The following RYR2 variants were observed in gnomAD, a reference collection of about 807,000 sequenced individuals.
RYR2 encodes ryanodine receptor 2.
In RYR2, 227 loss-of-function variants were observed where a neutral mutation model predicts 601.1. The ratio of observed to expected loss-of-function variants is 0.38; its 90% CI spans 0.34 to 0.42. RYR2 has a LOEUF of 0.42. RYR2 is among the 10% of genes least tolerant of loss of function. The pLI, the probability that RYR2 is intolerant of heterozygous loss-of-function variation, is 1.00. For missense variants in RYR2, 4,646 were observed against 6,156.5 expected (o/e 0.75, Z 8.21); for synonymous variants, 2,223 against 2,175.1 (o/e 1.02, Z -0.61).
In RYR2 at chr1:237,496,790, G is replaced by T. The variant is rs746732034; in HGVS notation, c.2203+38G>T. On this transcript the variant is annotated intron_variant, in intron 20 of 104. Transcript: ENST00000366574. ...CATTTTCTTTCACCGTGTTCCAGAA[G>T]ATCTTTTGCTGGGCATTTCTGAAAG... 1.1e-5 allele frequency: 17 copies of T among 1,579,598 alleles called. No homozygotes were observed. The African/African-American group carries it at 2.2e-4, about 20-fold the overall frequency.
At chr1:237,162,696 T>G (rs142082018) in intron 1 of RYR2, among the ~76,000 whole-genome samples, 85 of 152,232 alleles carry the variant, frequency 5.6e-4, no homozygotes, top group Middle Eastern at 6.8e-3. Flanking sequence ...TTGAGCTGGT[T>G]ATTTTGAGAA....
At chr1:237,154,708 C>T (rs72770682) in intron 1 of RYR2, among the ~76,000 whole-genome samples, 1,611 of 152,022 alleles carry the variant, frequency 0.011, 10 homozygotes, top group South Asian at 0.029. Context: ...TTTGGACCTC[C>T]GTCCTATCCC....
rs1707879401 is a variant in RYR2 at position 237,441,333 on chromosome 1, A to C, written c.1020A>C (p.Val340=). 1 of 1,613,568 alleles carries C rather than the reference A, an allele frequency of 6.2e-7. No individual in the cohort carries two copies. Among genetic ancestry groups the C allele is most frequent in the Non-Finnish European group, 8.5e-7 (1 of 1,179,636 alleles). Residue 340 remains valine, a synonymous_variant, in exon 13 of 105, where the codon GTA becomes GTC. Transcript: ENST00000366574. The stretch of plus-strand genomic sequence containing the variant: ...TCTCCCCTTAGGAAAAATTGGATGT[A>C]GGGGTGAGAAAAGAAGTAGATGGCA... ...TFRSSKEKLD[V]GVRKEVDGMG...
At chr1:237,425,014 A>G (rs1227076223) in intron 12 of RYR2, among the ~76,000 whole-genome samples, 1 of 152,240 alleles carries the variant, frequency 6.6e-6, no homozygotes, top group African/African-American at 2.4e-5. Flanking sequence ...TGTATTTCAT[A>G]TAAATAATGT....
At chr1:237,337,883 A>G (rs1697400543) in intron 3 of RYR2, among the ~76,000 whole-genome samples, 1 of 152,226 alleles carries the variant, frequency 6.6e-6, no homozygotes, top group African/African-American at 2.4e-5. Context: ...GCTTAAAACA[A>G]CATACATTTA....
intron 3 of RYR2, among the ~76,000 whole-genome samples, chr1:237,348,596 C>G (rs919288468): frequency 1.3e-5 from 2 of 152,048 alleles, no homozygotes; most frequent in African/African-American, 4.8e-5. Context: ...TGTTATCTGC[C>G]CATCATCTAG....
chr1:237,188,195 T>A (rs679760), intron 1 of RYR2, among the ~76,000 whole-genome samples: 145,708 of 152,208 alleles, frequency 0.96, 69,914 homozygotes, highest in Non-Finnish European at 0.99. Context: ...GTATTTCTCC[T>A]AAGGTGGTTT....
At position 237,818,340 on chromosome 1, in the gene RYR2, C is replaced by G. The variant is rs571252390; in HGVS notation, c.14434-696C>G. On this transcript the variant is annotated intron_variant, in intron 100 of 104. Coordinates refer to ENST00000366574, the MANE Select transcript of RYR2 (RefSeq NM_001035.3). ...TACAGTGCACAGGATAGCCCCTGCC[C>G]AAGGAATTATCCAGCCAAAAATGTC... Among the ~76,000 whole-genome samples the G allele has an allele frequency of 7.9e-5, 12 of 152,190 alleles. No individual in the cohort carries two copies. In the East Asian group the frequency reaches 1.7e-3, roughly 22 times the overall value.
At position 237,706,858 on chromosome 1, in the gene RYR2, A is replaced by G. The variant is rs1688421927; in HGVS notation, c.9581-91A>G. On this transcript the variant is annotated intron_variant, in intron 67 of 104. Transcript: ENST00000366574. Reference sequence around the variant, plus strand: ...CATGCCACGTCTTGCTAAATTTTGAAGTCCAAAATGAAATAGTTGCCTGTG... The same window carrying G: ...CATGCCACGTCTTGCTAAATTTTGAGGTCCAAAATGAAATAGTTGCCTGTG... The G allele has an allele frequency of 6.4e-6, 7 of 1,096,096 alleles. No individual in the cohort carries two copies. In the Admixed American group the frequency reaches 7.7e-5, roughly 12 times the overall value. 67.9% of individuals were successfully genotyped at this position (1,096,096 alleles called of 1,614,324 possible).
chr1:237,630,599 G>A (rs1189173473), intron 41 of RYR2, among the ~76,000 whole-genome samples: 1 of 152,108 alleles, frequency 6.6e-6, no homozygotes, highest in Non-Finnish European at 1.5e-5. Flanking sequence ...TAGGCTGTAT[G>A]TTCTATTCTT....
At chr1:237,359,465 T>C (rs1156310405) in intron 4 of RYR2, among the ~76,000 whole-genome samples, 3 of 152,218 alleles carry the variant, frequency 2.0e-5, no homozygotes, top group Non-Finnish European at 4.4e-5. Flanking sequence ...TTTTAACTTC[T>C]GTTATACTTG....
intron 1 of RYR2, among the ~76,000 whole-genome samples, chr1:237,211,296 A>G (rs919855253): frequency 6.6e-6 from 1 of 152,192 alleles, no homozygotes; most frequent in Non-Finnish European, 1.5e-5. Context: ...AGATTTGACT[A>G]TATGTGTACA....
chr1:237,192,723 G>T (rs1200948133), intron 1 of RYR2, among the ~76,000 whole-genome samples: 1 of 152,038 alleles, frequency 6.6e-6, no homozygotes, highest in Non-Finnish European at 1.5e-5. Context: ...TCCGCTAAGG[G>T]GTTTAGAACA....
chr1:237,423,918 T>G (rs1282861770), intron 12 of RYR2, among the ~76,000 whole-genome samples: 1 of 152,158 alleles, frequency 6.6e-6, no homozygotes, highest in African/African-American at 2.4e-5. Flanking sequence ...TGGGAAGGCC[T>G]CAGGAAACTT....
intron 1 of RYR2, among the ~76,000 whole-genome samples, chr1:237,050,424 G>A (rs958732970): frequency 1.1e-4 from 17 of 152,182 alleles, no homozygotes; most frequent in African/African-American, 1.7e-4. Context: ...GGGGAAACCC[G>A]CATGTGGTCA....
At position 237,784,918 on chromosome 1, in the gene RYR2, C is replaced by G. The variant is rs397516509; in HGVS notation, c.13206C>G (p.Leu4402=). ...TTCCTCATAATCCAAATGCTGGGCT[C>G]AGTGACCTCATGAGCAACCCAGTCC... ...KLIPHNPNAG[L]SDLMSNPVPM... Residue 4402 remains leucine (L), a synonymous_variant, in exon 90 of 105, where the codon CTC becomes CTG. Coordinates refer to ENST00000366574, the MANE Select transcript of RYR2 (RefSeq NM_001035.3). The surrounding 1 kb of genome is among the most constrained non-coding windows in gnomAD (Gnocchi z 7.1). 3 of 1,608,908 alleles carry G rather than the reference C, an allele frequency of 1.9e-6. No homozygotes were observed. The highest frequency in any genetic ancestry group is 2.7e-5 in the African/African-American group (2 of 74,842).
intron 1 of RYR2, among the ~76,000 whole-genome samples, chr1:237,105,330 C>T (rs190501552): frequency 7.3e-4 from 111 of 152,042 alleles, no homozygotes; most frequent in Non-Finnish European, 1.1e-3. Context: ...GTTAGAAGAT[C>T]GTAAGTACTC....
intron 101 of RYR2, among the ~76,000 whole-genome samples, chr1:237,822,830 G>A (rs900758971): frequency 6.6e-6 from 1 of 152,100 alleles, no homozygotes; most frequent in Admixed American, 6.5e-5. Flanking sequence ...AAGGGACTGA[G>A]GAATATTTAC....
At chr1:237,243,506 C>T (rs1686442372) in intron 1 of RYR2, among the ~76,000 whole-genome samples, 1 of 152,182 alleles carries the variant, frequency 6.6e-6, no homozygotes, top group Non-Finnish European at 1.5e-5. Flanking sequence ...CTTCCATGCC[C>T]TCCCTGGGCA....
Sources: gnomAD v4.1 joint callset for allele counts (sites outside exome capture counted in the v4.1 genomes callset) on GRCh38, gnomAD v4.1.1 for gene constraint, Gnocchi (gnomAD v3.1) non-coding constraint, MANE v1.5 for transcripts, NCBI Gene and HGNC (gene_info 2026-07-23, HGNC 2026-07-21) for gene names.